GPC6: variants seen among roughly 807,000 people sequenced by gnomAD.
GPC6 encodes the protein glypican-6.
A neutral mutation model predicts 55.2 loss-of-function variants in GPC6; 14 were observed. The ratio of observed to expected loss-of-function variants is 0.25; its 90% CI spans 0.17 to 0.40. GPC6 has a LOEUF of 0.40. GPC6 is among the 10% of genes least tolerant of loss of function. The pLI, the probability that GPC6 is intolerant of heterozygous loss-of-function variation, is 1.00. For missense variants in GPC6, 641 were observed against 708.5 expected (o/e 0.90, Z 1.08); for synonymous variants, 278 against 259.6 (o/e 1.07, Z -0.68).
At position 94,406,682 on chromosome 13, in the gene GPC6, C is replaced by T; in HGVS notation, c.*3465C>T. ...ATTCCCTGCTGCAGACATTAGCCTTCTTTAATTCTTTTGCCATTACATACA... is the reference window on the plus strand; with the variant it reads ...ATTCCCTGCTGCAGACATTAGCCTTTTTTAATTCTTTTGCCATTACATACA... On this transcript the variant is annotated 3_prime_UTR_variant, in exon 9 of 9. Coordinates refer to ENST00000377047, the MANE Select transcript of GPC6 (RefSeq NM_005708.5). 6.6e-6 allele frequency: 1 copy of T among 152,256 alleles called. No individual in the cohort carries two copies. Among genetic ancestry groups the T allele is most frequent in the South Asian group, 2.1e-4 (1 of 4,822 alleles). 9.4% of individuals were successfully genotyped at this position (152,256 alleles called of 1,614,324 possible). A position where few individuals can be genotyped will look rare whatever the true frequency, so the allele number is the denominator to read the frequency against.
chr13:93,874,008 G>A (rs1889212904), intron 3 of GPC6, among the ~76,000 whole-genome samples: 1 of 151,914 alleles, frequency 6.6e-6, no homozygotes, highest in Non-Finnish European at 1.5e-5. Flanking sequence ...TGGTCTCCCT[G>A]CAGCCTTTCT....
chr13:93,570,272 G>A (rs1463550702), intron 2 of GPC6, among the ~76,000 whole-genome samples: 1 of 152,156 alleles, frequency 6.6e-6, no homozygotes, highest in Non-Finnish European at 1.5e-5. Flanking sequence ...AAGGTTAAAT[G>A]TATGCACATG....
At chr13:93,694,067 A>G (rs1435717600) in intron 2 of GPC6, among the ~76,000 whole-genome samples, 2 of 152,212 alleles carry the variant, frequency 1.3e-5, no homozygotes, top group African/African-American at 4.8e-5. Context: ...ATAATTATAC[A>G]TCATTTATGA....
chr13:93,389,236 G>A (rs1369367450), intron 1 of GPC6, among the ~76,000 whole-genome samples: 1 of 152,084 alleles, frequency 6.6e-6, no homozygotes, highest in East Asian at 1.9e-4. Flanking sequence ...GGTGGCTTAT[G>A]CCTGTAATCC....
At chr13:94,248,530 C>T (rs1594096263) in intron 4 of GPC6, among the ~76,000 whole-genome samples, 1 of 151,938 alleles carries the variant, frequency 6.6e-6, no homozygotes, top group African/African-American at 2.4e-5. Flanking sequence ...TAAAATTTCC[C>T]ATAAATATCA....
intron 3 of GPC6, among the ~76,000 whole-genome samples, chr13:93,945,930 C>A (rs1258816984): frequency 6.6e-6 from 1 of 152,164 alleles, no homozygotes; most frequent in Non-Finnish European, 1.5e-5. Context: ...TACTGAATTG[C>A]ATAATAGATG....
chr13:94,372,341 G>T (rs991191830), intron 6 of GPC6, among the ~76,000 whole-genome samples: 10 of 152,162 alleles, frequency 6.6e-5, no homozygotes, highest in Non-Finnish European at 1.2e-4. Flanking sequence ...AGTGGGCGCA[G>T]GTCAGTGGGT....
intron 3 of GPC6, among the ~76,000 whole-genome samples, chr13:94,014,225 A>T (rs1027919354): frequency 5.9e-5 from 9 of 152,230 alleles, no homozygotes; most frequent in Non-Finnish European, 1.0e-4. Flanking sequence ...ATGGAAATTC[A>T]TCTCCACCAA....
intron 8 of GPC6, among the ~76,000 whole-genome samples, chr13:94,400,679 C>A (rs1029695379): frequency 1.3e-5 from 2 of 152,186 alleles, no homozygotes; most frequent in Admixed American, 1.3e-4. Context: ...CCCAGATTTA[C>A]TTAAGTAGCA....
intron 3 of GPC6, among the ~76,000 whole-genome samples, chr13:94,012,523 G>A (rs1161427266): frequency 6.6e-6 from 1 of 152,144 alleles, no homozygotes; most frequent in Non-Finnish European, 1.5e-5. Context: ...TCGATCGATT[G>A]ATCAATAAAC....
At chr13:93,659,218 T>C (rs1335309897) in intron 2 of GPC6, among the ~76,000 whole-genome samples, 1 of 152,102 alleles carries the variant, frequency 6.6e-6, no homozygotes, top group African/African-American at 2.4e-5. Context: ...TGTCCTCCTT[T>C]GGTCTTCTCT....
chr13:94,127,827 C>T (rs1286867273), intron 4 of GPC6, among the ~76,000 whole-genome samples: 2 of 152,010 alleles, frequency 1.3e-5, no homozygotes, highest in African/African-American at 4.8e-5. Flanking sequence ...TTTTTAAATT[C>T]GTTTTTAGAG....
At chr13:94,245,565 C>G (rs1417207418) in intron 4 of GPC6, among the ~76,000 whole-genome samples, 2 of 151,844 alleles carry the variant, frequency 1.3e-5, no homozygotes, top group African/African-American at 4.8e-5. Flanking sequence ...GTAAGACCCT[C>G]CCTGTCTCTA....
intron 2 of GPC6, among the ~76,000 whole-genome samples, chr13:93,568,761 A>G (rs949143281): frequency 1.3e-5 from 2 of 152,230 alleles, no homozygotes; most frequent in African/African-American, 4.8e-5. Flanking sequence ...TGACCCATCC[A>G]GTTTAATCAT....
upstream of GPC6, among the ~76,000 whole-genome samples, chr13:93,223,157 A>C (rs1162840190): frequency 6.6e-6 from 1 of 150,954 alleles, no homozygotes; most frequent in Non-Finnish European, 1.5e-5. Flanking sequence ...CCCTGACATA[A>C]TCAGTCTTAG....
intron 4 of GPC6, among the ~76,000 whole-genome samples, chr13:94,108,704 TG>T (rs1443449900): frequency 6.6e-6 from 1 of 152,018 alleles, no homozygotes; most frequent in Non-Finnish European, 1.5e-5. Flanking sequence ...TAGCTGGGCA[TG>T]GTGGTCCATG....
At chr13:93,983,784 TAA>T (rs35261105) in intron 3 of GPC6, among the ~76,000 whole-genome samples, 3 of 144,784 alleles carry the variant, frequency 2.1e-5, no homozygotes, top group Admixed American at 6.9e-5. Context: ...ATATTTTTGT[TAA>T]AAAAAAAAAA....
intron 6 of GPC6, among the ~76,000 whole-genome samples, chr13:94,353,263 A>C (rs886613053): frequency 6.6e-6 from 1 of 152,220 alleles, no homozygotes; most frequent in African/African-American, 2.4e-5. Flanking sequence ...CCGACAAGCA[A>C]AAATGAGTGC....
intron 6 of GPC6, among the ~76,000 whole-genome samples, chr13:94,370,822 A>T (rs186083204): frequency 3.3e-5 from 5 of 152,376 alleles, no homozygotes; most frequent in Non-Finnish European, 5.9e-5. Context: ...TAACACATTC[A>T]GTACCTCATG....
Sources: gnomAD v4.1 joint callset for allele counts (sites outside exome capture counted in the v4.1 genomes callset) on GRCh38, gnomAD v4.1.1 for gene constraint, MANE v1.5 for transcripts, NCBI Gene and HGNC (gene_info 2026-07-23, HGNC 2026-07-21) for gene names.